ARPP21: variants seen among roughly 807,000 people sequenced by gnomAD.
The protein encoded by ARPP21 is cAMP regulated phosphoprotein 21, also known as cAMP-regulated phosphoprotein 21.
ARPP21 carries 69 observed loss-of-function variants against 113.2 expected under a neutral mutation model. The observed-to-expected ratio is 0.61, with a 90% confidence interval of 0.50 to 0.74. The LOEUF is 0.74. Among genes scored for constraint, ARPP21 ranks in the 30% least tolerant of loss-of-function variants. The pLI is 0.00. For synonymous variants in ARPP21, 368 were observed against 375.5 expected (o/e 0.98, Z 0.23); for missense variants, 1,070 against 1,037.4 (o/e 1.03, Z -0.43).
At chr3:35,663,203 C>T (rs1708607019) in intron 1 of ARPP21, among the ~76,000 whole-genome samples, 1 of 151,904 alleles carries the variant, frequency 6.6e-6, no homozygotes, top group Non-Finnish European at 1.5e-5. Context: ...AAATGCTTAC[C>T]CCAGAATTGA....
chr3:35,726,444 G>T (rs987238315), intron 14 of ARPP21, among the ~76,000 whole-genome samples: 4 of 152,318 alleles, frequency 2.6e-5, no homozygotes, highest in African/African-American at 9.6e-5. Context: ...TGATTGCTGA[G>T]CCATCCTTTT....
chr3:35,740,412 C>T (rs1241630214), intron 18 of ARPP21, among the ~76,000 whole-genome samples: 1 of 152,290 alleles, frequency 6.6e-6, no homozygotes, highest in East Asian at 1.9e-4. Flanking sequence ...GTGTCACCTT[C>T]GTATCATTTG....
intron 1 of ARPP21, chr3:35,641,322 A>G (rs1697999444): frequency 1.3e-5 from 2 of 152,244 alleles, no homozygotes; most frequent in Non-Finnish European, 2.9e-5. Flanking sequence ...GAATAAATTC[A>G]AATGATTCCT....
At chr3:35,648,010 A>G (rs1700897026) in intron 1 of ARPP21, among the ~76,000 whole-genome samples, 2 of 151,976 alleles carry the variant, frequency 1.3e-5, no homozygotes, top group African/African-American at 4.8e-5. Context: ...AAGGATCCCC[A>G]CCTCCATTTA....
chr3:35,692,228 G>A (rs1490939366), intron 9 of ARPP21, among the ~76,000 whole-genome samples: 1 of 151,640 alleles, frequency 6.6e-6, no homozygotes, highest in Non-Finnish European at 1.5e-5. Context: ...GCATTCTACT[G>A]TGTTAGCAAA....
At chr3:35,702,618 T>A (rs1024909726) in intron 9 of ARPP21, among the ~76,000 whole-genome samples, 1 of 151,710 alleles carries the variant, frequency 6.6e-6, no homozygotes, top group South Asian at 2.1e-4. Context: ...CAGTACACTA[T>A]AGAAACAGAG....
At chr3:35,706,094 A>T (rs554406564) in intron 9 of ARPP21, among the ~76,000 whole-genome samples, 56 of 152,290 alleles carry the variant, frequency 3.7e-4, no homozygotes, top group African/African-American at 1.3e-3. Flanking sequence ...CAGAAGTAAT[A>T]TATCAGATAT....
At chr3:35,731,074 C>A (rs1405213733) in intron 15 of ARPP21, among the ~76,000 whole-genome samples, 1 of 152,096 alleles carries the variant, frequency 6.6e-6, no homozygotes, top group African/African-American at 2.4e-5. Flanking sequence ...GGCTTAAATT[C>A]TTTCACTTTT....
In ARPP21 at chr3:35,793,967, G is replaced by A. The variant is rs1254324193; in HGVS notation, c.*9G>A. 3 of 1,609,122 alleles carry A rather than the reference G, an allele frequency of 1.9e-6. No individual in the cohort carries two copies. The highest frequency in any genetic ancestry group is 2.2e-5 in the East Asian group (1 of 44,680). On this transcript the variant is annotated 3_prime_UTR_variant, in exon 21 of 21. Coordinates refer to ENST00000684406, the MANE Select transcript of ARPP21 (RefSeq NM_001385562.1). The stretch of plus-strand genomic sequence containing the variant: ...GGCAGGTCAAATTCTGAGAGCTCTG[G>A]CTGTGGTACATTTCTTCAGATATTT...
chr3:35,660,282 C>CA (rs1707097606), intron 1 of ARPP21, among the ~76,000 whole-genome samples: 1 of 152,138 alleles, frequency 6.6e-6, no homozygotes. Context: ...GAATAAAACA[C>CA]AAGATGGTAT....
In ARPP21 at chr3:35,639,985, G is replaced by C. The variant is rs1205710798; in HGVS notation, c.-626G>C. ...CGGTCGGACTGACAGACGTGCAGACGGACAGAAGAGCAGACAGGAGGCGGG... is the reference window on the plus strand; with the variant it reads ...CGGTCGGACTGACAGACGTGCAGACCGACAGAAGAGCAGACAGGAGGCGGG... On this transcript the variant is annotated 5_prime_UTR_variant, in exon 1 of 21. Transcript: ENST00000684406. This position sits in a 1 kb window ranked among gnomAD's most constrained non-coding sequence, Gnocchi z 5.0. 2 of 152,268 alleles carry C rather than the reference G, an allele frequency of 1.3e-5. No individual in the cohort carries two copies. The highest frequency in any genetic ancestry group is 4.8e-5 in the African/African-American group (2 of 41,424). 9.4% of individuals were successfully genotyped at this position (152,268 alleles called of 1,614,324 possible).
chr3:35,792,307 C>G (rs943008999), intron 19 of ARPP21, 75 bp from the exon 20 acceptor site: 18 of 1,342,656 alleles, frequency 1.3e-5, no homozygotes, highest in Non-Finnish European at 1.9e-5. Flanking sequence ...GCCTTTTGAA[C>G]CAGTAGTTTT....
intron 1 of ARPP21, among the ~76,000 whole-genome samples, chr3:35,661,446 G>A (rs1707777126): frequency 6.6e-6 from 1 of 152,174 alleles, no homozygotes. Context: ...ATGGAATACT[G>A]CTCAGCACAT....
chr3:35,752,794 C>T (rs1375214574), intron 19 of ARPP21, among the ~76,000 whole-genome samples: 1 of 151,984 alleles, frequency 6.6e-6, no homozygotes. Flanking sequence ...CAAGTTGTTG[C>T]AAAGGGAGAG....
At chr3:35,702,448 C>T (rs2086795779) in intron 9 of ARPP21, among the ~76,000 whole-genome samples, 1 of 151,726 alleles carries the variant, frequency 6.6e-6, no homozygotes, top group Non-Finnish European at 1.5e-5. Flanking sequence ...GTCTCCAAAT[C>T]CACGTAGCCA....
Position 35,639,561 on chromosome 3 carries a change from G to C in ARPP21, c.-1050G>C, listed in dbSNP as rs1168668187. On this transcript the variant is annotated 5_prime_UTR_variant, in exon 1 of 21. Coordinates refer to ENST00000684406, the MANE Select transcript of ARPP21 (RefSeq NM_001385562.1). This position sits in a 1 kb window ranked among gnomAD's most constrained non-coding sequence, Gnocchi z 5.0. ...GCGGCCAAGCTGGAGGAACGGGACC[G>C]AGGGATCGACCGAGGCTGGCTGGCT... The C allele has an allele frequency of 3.3e-5, 5 of 152,692 alleles. No homozygotes were observed. Among genetic ancestry groups the C allele is most frequent in the African/African-American group, 9.6e-5 (4 of 41,456 alleles). The allele number at this position is 152,692 out of a possible 1,614,324, so 9.5% of individuals were successfully genotyped here. A position where few individuals can be genotyped will look rare whatever the true frequency, so the allele number is the denominator to read the frequency against.
At chr3:35,692,813 A>C (rs1307176723) in intron 9 of ARPP21, among the ~76,000 whole-genome samples, 2 of 151,624 alleles carry the variant, frequency 1.3e-5, no homozygotes, top group Non-Finnish European at 3.0e-5. Context: ...TTTAAACTTT[A>C]AAATTCAGTT....
At chr3:35,767,724 T>C (rs2096034124) in intron 19 of ARPP21, among the ~76,000 whole-genome samples, 1 of 152,176 alleles carries the variant, frequency 6.6e-6, no homozygotes. Flanking sequence ...TCTGTCAGTT[T>C]GCAATGGCTG....
intron 19 of ARPP21, among the ~76,000 whole-genome samples, chr3:35,783,476 C>T (rs1159746268): frequency 1.3e-5 from 2 of 152,052 alleles, no homozygotes; most frequent in Non-Finnish European, 2.9e-5. Context: ...CAGTTTCTGA[C>T]AGTTCACATC....
Sources: allele counts gnomAD v4.1 joint callset (sites outside exome capture counted in the v4.1 genomes callset), GRCh38; gene constraint gnomAD v4.1.1; non-coding constraint Gnocchi (gnomAD v3.1); transcripts MANE v1.5; gene names NCBI Gene and HGNC (gene_info 2026-07-23, HGNC 2026-07-21).